DNAH10: variants seen among roughly 807,000 people sequenced by gnomAD.
DNAH10 encodes the protein axonemal beta dynein heavy chain 10.
A neutral mutation model predicts 506.6 loss-of-function variants in DNAH10; 348 were observed. The observed-to-expected ratio is 0.69, with a 90% CI of 0.63 to 0.75. DNAH10 has a LOEUF of 0.75. Ranked by LOEUF, DNAH10 falls within the 30% of genes least tolerant of loss-of-function variation. The pLI, the probability that DNAH10 is intolerant of heterozygous loss-of-function variation, is 0.00. For synonymous variants in DNAH10, 2,059 were observed against 2,198.6 expected (o/e 0.94, Z 1.78); for missense variants, 5,179 against 5,787.1 (o/e 0.89, Z 3.41).
At chr12:123,821,749 C>T in intron 24 of DNAH10, among the ~76,000 whole-genome samples, 1 of 152,024 alleles carries the variant, frequency 6.6e-6, no homozygotes, top group Admixed American at 6.6e-5. Context: ...ATGGGGTAAA[C>T]TGTTTAGTTG....
At chr12:123,814,409 A>T (rs1033244789) in intron 21 of DNAH10, among the ~76,000 whole-genome samples, 1 of 152,122 alleles carries the variant, frequency 6.6e-6, no homozygotes, top group Admixed American at 6.5e-5. Flanking sequence ...TGATGAAAGA[A>T]AGTCAAGTTT....
rs775996803 is a variant in DNAH10, at chr12:123,857,193, C to T, written c.6576C>T (p.Asn2192=). 50 of 1,609,254 alleles carry T rather than the reference C, an allele frequency of 3.1e-5. No individual in the cohort carries two copies. The highest frequency in any genetic ancestry group is 1.3e-4 in the East Asian group (6 of 44,624). The change falls in exon 37 of 79, where the codon AAC becomes AAT. Residue 2192 remains asparagine, a synonymous_variant. Coordinates refer to ENST00000673944, the MANE Select transcript of DNAH10 (RefSeq NM_001372106.1). ...CTCGCGTCCGCTACCCTGACTTCAA[C>T]GATGCGGTAGAGCAGGTCCTGGAGG... The part of the protein sequence containing the change: ...DCPRVRYPDF[N]DAVEQVLEEN...
chr12:123,926,702 T>C lies in DNAH10; in HGVS notation c.11987T>C (p.Ile3996Thr). The change falls in exon 69 of 79, where the codon ATT becomes ACT. Residue 3996 changes from isoleucine (I) to threonine (T), a missense_variant. By Grantham distance (89) the Ile-to-Thr change is moderately conservative. Around this residue, in one of 3 missense-constraint regions of DNAH10, gnomAD observed 4,844 missense variants for 5,430.5 expected, o/e 0.89. Coordinates refer to ENST00000673944, the MANE Select transcript of DNAH10 (RefSeq NM_001372106.1). This position sits in a 1 kb window ranked among gnomAD's most constrained non-coding sequence, Gnocchi z 4.1. ...IFEQSTPHSPIVFILSPGSDP... is the reference protein window; with the variant it reads ...IFEQSTPHSPTVFILSPGSDP... ...GAGCAGAGCACTCCACATTCGCCCA[T>C]TGTGTTTATCCTGAGTCCTGGCTCC... 2.5e-6 allele frequency: 4 copies of C among 1,614,008 alleles called. No homozygotes were observed. Among genetic ancestry groups the C allele is most frequent in the Non-Finnish European group, 2.5e-6 (3 of 1,179,898 alleles).
intron 24 of DNAH10, among the ~76,000 whole-genome samples, chr12:123,826,122 C>CA (rs67603019): frequency 1.4e-3 from 205 of 151,154 alleles, no homozygotes; most frequent in African/African-American, 4.1e-3. Context: ...ACCCTGTCTC[C>CA]AAAAAAAATA....
intron 16 of DNAH10, among the ~76,000 whole-genome samples, chr12:123,801,653 A>G (rs1958486622): frequency 6.6e-6 from 1 of 152,196 alleles, no homozygotes. Context: ...CCCAAAGCAC[A>G]TTTCTCCCAA....
Position 123,850,805 on chromosome 12 carries a change from AGCT to A in DNAH10, c.6103-82_6103-80del. 7.2e-7 allele frequency: 1 copy of A among 1,392,994 alleles called. No homozygotes were observed. Among genetic ancestry groups the A allele is most frequent in the Non-Finnish European group, 9.7e-7 (1 of 1,028,836 alleles). 86.3% of individuals were successfully genotyped at this position (1,392,994 alleles called of 1,614,324 possible). A position where few individuals can be genotyped will look rare whatever the true frequency, so the allele number is the denominator to read the frequency against. On this transcript the variant is annotated intron_variant, in intron 34 of 78. Transcript: ENST00000673944. This position sits in a 1 kb window ranked among gnomAD's most constrained non-coding sequence, Gnocchi z 5.5. ...ATACCATGAAAATGAATCGCCACGCAGCTCGCCGCAGGCCCCCTTTCCAAGGGG... is the reference window on the plus strand; with the variant it reads ...ATACCATGAAAATGAATCGCCACGCACGCCGCAGGCCCCCTTTCCAAGGGG...
At position 123,931,321 on chromosome 12, in the gene DNAH10, G is replaced by C; in HGVS notation, c.12785-20G>C. ...CAGGTGGCTGGACAGTGCCACCTCC[G>C]TTGTTCTCTGTGATTGCAGAAGCCA... is the stretch of plus-strand genomic sequence containing the variant. On this transcript the variant is annotated intron_variant, in intron 73 of 78. Transcript: ENST00000673944. 6.2e-7 allele frequency: 1 copy of C among 1,612,692 alleles called. No individual in the cohort carries two copies. The highest frequency in any genetic ancestry group is 8.5e-7 in the Non-Finnish European group (1 of 1,179,710).
chr12:123,918,577 G>C lies in DNAH10; in HGVS notation c.11233-99G>C, dbSNP rs918360821. On this transcript the variant is annotated intron_variant, in intron 64 of 78. Coordinates refer to ENST00000673944, the MANE Select transcript of DNAH10 (RefSeq NM_001372106.1). ...AGTCCCTGGATACTTTCAAAGCCCT[G>C]AAGCATTGTACATACCTCTCTGCTG... 7 of 1,402,684 alleles carry C rather than the reference G, an allele frequency of 5.0e-6. No individual in the cohort carries two copies. In the Admixed American group the frequency reaches 1.5e-4, roughly 30 times the overall value. 86.9% of individuals were successfully genotyped at this position (1,402,684 alleles called of 1,614,324 possible). A position where few individuals can be genotyped will look rare whatever the true frequency, so the allele number is the denominator to read the frequency against.
chr12:123,822,566 A>G (rs764792257), intron 24 of DNAH10, among the ~76,000 whole-genome samples: 7 of 152,158 alleles, frequency 4.6e-5, no homozygotes, highest in Non-Finnish European at 7.4e-5. Context: ...ATCTATATCT[A>G]TCTGTATCTA....
In DNAH10 at chr12:123,921,120, G is replaced by A. The variant is rs572226223; in HGVS notation, c.11506+2171G>A. Among the ~76,000 whole-genome samples, 267 of 152,266 alleles carry A rather than the reference G, an allele frequency of 1.8e-3. 3 individuals are homozygous for A. The South Asian group carries it at 0.028, about 16-fold the overall frequency. The stretch of plus-strand genomic sequence containing the variant: ...AAGAAACCTACCTGATTGCTGGGTT[G>A]TTTCCCGTCGTCTGAATTTTGTGCT... On this transcript the variant is annotated intron_variant, in intron 65 of 78. Transcript: ENST00000673944.
At chr12:123,870,946 G>C (rs1027711851) in intron 44 of DNAH10, among the ~76,000 whole-genome samples, 1 of 152,188 alleles carries the variant, frequency 6.6e-6, no homozygotes, top group Non-Finnish European at 1.5e-5. Context: ...TAAAATATAG[G>C]CTGGCTATTC....
chr12:123,875,646 G>GA lies in DNAH10; in HGVS notation c.8199+162dup, dbSNP rs773495303. ...GTTTTAATTTCTTGCAAAATCAGAAGAAAAAAATCATCTTTATACGATGCC... is the reference window on the plus strand; with the variant it reads ...GTTTTAATTTCTTGCAAAATCAGAAGAAAAAAAATCATCTTTATACGATGCC... On this transcript the variant is annotated intron_variant, in intron 47 of 78. Transcript: ENST00000673944. Among the ~76,000 whole-genome samples, 14 of 152,068 alleles carry GA rather than the reference G, an allele frequency of 9.2e-5. No individual in the cohort carries two copies. The East Asian group carries it at 1.3e-3, about 15-fold the overall frequency.
At chr12:123,838,000 G>A (rs1961357854) in intron 28 of DNAH10, among the ~76,000 whole-genome samples, 1 of 152,104 alleles carries the variant, frequency 6.6e-6, no homozygotes, top group African/African-American at 2.4e-5. Flanking sequence ...ACCTGTTGCT[G>A]GACATTGAGG....
chr12:123,822,022 A>G (rs1488958784), intron 24 of DNAH10, among the ~76,000 whole-genome samples: 3 of 152,218 alleles, frequency 2.0e-5, no homozygotes, highest in South Asian at 2.1e-4. Flanking sequence ...CCTGGCCAAC[A>G]TGGCAAAACT....
rs138905218 is a variant in DNAH10, at chr12:123,854,377, C to T, written c.6438+1025C>T. Among the ~76,000 whole-genome samples, 160 of 152,226 alleles carry T rather than the reference C, an allele frequency of 1.1e-3. 1 individual carries two copies. Among genetic ancestry groups the T allele is most frequent in the African/African-American group, 3.4e-3 (143 of 41,528 alleles). ...GTCTCAAGTGCTATCTAAGGCTCTA[C>T]GAAGAAGAGTGAGGCCGTTTGCAGC... On this transcript the variant is annotated intron_variant, in intron 36 of 78. Transcript: ENST00000673944.
At chr12:123,781,518 TGC>T (rs1248714569) in intron 6 of DNAH10, among the ~76,000 whole-genome samples, 1 of 152,060 alleles carries the variant, frequency 6.6e-6, no homozygotes, top group Non-Finnish European at 1.5e-5. Context: ...CAGGCTGGAG[TGC>T]AGTGGTGAGA....
chr12:123,801,292 G>A lies in DNAH10; in HGVS notation c.2474G>A (p.Gly825Glu), dbSNP rs571838812. 2.2e-5 allele frequency: 36 copies of A among 1,613,966 alleles called. No homozygotes were observed. In the South Asian group the frequency reaches 3.5e-4, roughly 16 times the overall value. The change falls in exon 16 of 79, where the codon GGG becomes GAG. Residue 825 changes from glycine to glutamate, a missense_variant. Physicochemically the swap from Gly to Glu is moderately conservative, Grantham distance 98. Coordinates refer to ENST00000673944, the MANE Select transcript of DNAH10 (RefSeq NM_001372106.1). The stretch of plus-strand genomic sequence containing the variant: ...CCTGTCATGTGCAGGTACACAGCTG[G>A]GATACAGCGCATGTTGGATCATTAT... The part of the protein sequence containing the change: ...QEDKFLRYTA[G>E]IQRMLDHYHM...
intron 38 of DNAH10, among the ~76,000 whole-genome samples, chr12:123,860,021 C>T (rs900077450): frequency 6.6e-6 from 1 of 150,716 alleles, no homozygotes; most frequent in Admixed American, 6.6e-5. Context: ...CAGAGTGAGA[C>T]CTTCTCTCTA....
chr12:123,809,559 G>A (rs1238462000), intron 19 of DNAH10, among the ~76,000 whole-genome samples: 1 of 152,076 alleles, frequency 6.6e-6, no homozygotes, highest in East Asian at 1.9e-4. Context: ...CTGAGGCAGA[G>A]GATTGCTTGA....
Sources: allele counts gnomAD v4.1 joint callset (sites outside exome capture counted in the v4.1 genomes callset), GRCh38; gene constraint gnomAD v4.1.1; regional missense constraint gnomAD v4.1.1; non-coding constraint Gnocchi (gnomAD v3.1); transcripts MANE v1.5; gene names NCBI Gene and HGNC (gene_info 2026-07-23, HGNC 2026-07-21).